The following KDM6B variants were observed in gnomAD, a reference collection of about 807,000 sequenced individuals.
KDM6B encodes the protein lysine demethylase 6B.
KDM6B carries 22 observed loss-of-function variants against 150.4 expected under a neutral mutation model. That is an observed-to-expected ratio of 0.15 (90% CI 0.10 to 0.21). The LOEUF (loss-of-function observed/expected upper bound fraction) is 0.21. Among genes scored for constraint, KDM6B ranks in the 10% least tolerant of loss-of-function variants. The pLI is 1.00. For synonymous variants in KDM6B, 1,148 were observed against 921.1 expected (o/e 1.25, Z -4.46); for missense variants, 1,984 against 2,234.3 (o/e 0.89, Z 2.26).
rs756900668 is a variant in KDM6B at position 7,846,727 on chromosome 17, G to A, written c.698G>A (p.Cys233Tyr). 6.2e-7 allele frequency: 1 copy of A among 1,614,074 alleles called. No homozygotes were observed. The highest frequency in any genetic ancestry group is 8.5e-7 in the Non-Finnish European group (1 of 1,179,964). Residue 233 changes from cysteine to tyrosine, a missense_variant, in exon 9 of 24, where the codon TGC becomes TAC. Around this residue, in one of 13 missense-constraint regions of KDM6B, gnomAD observed 337 missense variants for 323.9 expected, o/e 1.04. Transcript: ENST00000448097. ...CCTGGAGGCAAGCGAAGGAGAGGCT[G>A]CAACTCTGAACAGGTGTGGGTATAG... ...LSPGGKRRRGCNSEQTGLPPG... is the reference protein window; with the variant it reads ...LSPGGKRRRGYNSEQTGLPPG...
At chr17:7,838,150 CCA>C (rs1337478296) in intron 1 of KDM6B, among the ~76,000 whole-genome samples, 1 of 141,754 alleles carries the variant, frequency 7.1e-6, no homozygotes, top group East Asian at 2.2e-4. Flanking sequence ...CAGAGGGACT[CCA>C]CAGTTTCTCT....
At chr17:7,850,976 A>T in intron 14 of KDM6B, 45 bp from the exon 15 acceptor site, 2 of 1,486,602 alleles carry the variant, frequency 1.3e-6, no homozygotes, top group Non-Finnish European at 1.8e-6. Flanking sequence ...CTCGGTCCCT[A>T]TCCTCTGCCT....
rs374426885 is a variant in KDM6B, at chr17:7,846,797, C to T, written c.712-22C>T. 1.1e-5 allele frequency: 17 copies of T among 1,613,598 alleles called. No homozygotes were observed. The African/African-American group carries it at 1.7e-4, about 16-fold the overall frequency. On this transcript the variant is annotated intron_variant, in intron 9 of 23. Transcript: ENST00000448097. The stretch of plus-strand genomic sequence containing the variant: ...GTAGGCAGGACTTGGGAATGGGATT[C>T]TCACACTCTCTTCTCTCCTAGACTG...
chr17:7,850,230 G>A, intron 14 of KDM6B, 53 bp downstream of exon 14: 2 of 1,429,984 alleles, frequency 1.4e-6, no homozygotes, highest in Non-Finnish European at 2.0e-6. Context: ...TCTGGGGCAT[G>A]TAGGACCCTC....
intron 2 of KDM6B, 170 bp downstream of exon 2, chr17:7,840,194 C>G (rs2078393414): frequency 6.6e-6 from 1 of 152,368 alleles, no homozygotes; most frequent in Non-Finnish European, 1.5e-5. Flanking sequence ...GTTTATGGAC[C>G]TCCCTTCTAT....
chr17:7,849,894 A>G lies in KDM6B; in HGVS notation c.3514A>G (p.Thr1172Ala), dbSNP rs935026612. 1 of 1,613,464 alleles carries G rather than the reference A, an allele frequency of 6.2e-7. No homozygotes were observed. The highest frequency in any genetic ancestry group is 8.5e-7 in the Non-Finnish European group (1 of 1,180,000). The change falls in exon 13 of 24, where the codon ACT becomes GCT. Residue 1172 changes from threonine to alanine, a missense_variant. Thr to Ala is a moderately conservative substitution (Grantham distance 58). Around this residue, in one of 13 missense-constraint regions of KDM6B, gnomAD observed 1,379 missense variants for 1,275.6 expected, o/e 1.08. Transcript: ENST00000448097. ...CCAGTCTGTGAAACCGAAGATCAAC[A>G]CTGAGGAGAAGCTGCCCCGGGAAAA... ...PAQSVKPKIN[T>A]EEKLPREKLN...
chr17:7,837,760 C>A (rs1208681806), intron 1 of KDM6B, among the ~76,000 whole-genome samples: 1 of 152,156 alleles, frequency 6.6e-6, no homozygotes, highest in East Asian at 1.9e-4. Flanking sequence ...ACAGAATGAA[C>A]ACAGAATGAG....
intron 20 of KDM6B, 77 bp downstream of exon 20, chr17:7,852,413 C>A: frequency 5.4e-6 from 7 of 1,289,294 alleles, no homozygotes; most frequent in Non-Finnish European, 7.4e-6. Context: ...CTTGGAGAGC[C>A]GCCAGCAGTG....
chr17:7,849,473 C>T lies in KDM6B; in HGVS notation c.3185C>T (p.Pro1062Leu), dbSNP rs762722140. ...TCAGCTCCTGCACCTTCTGCCCAGC[C>T]CACACCCCCGTCAGCCTCTGTCCCT... ...PPSAPAPSAQ[P>L]TPPSASVPGK... The change falls in exon 12 of 24, where the codon CCC becomes CTC. Residue 1062 changes from proline (P) to leucine (L), a missense_variant. This residue lies in a region of KDM6B where 1,379 missense variants were observed against 1,275.6 expected (regional missense o/e 1.08). Coordinates refer to ENST00000448097, the MANE Select transcript of KDM6B (RefSeq NM_001348716.2). 1.9e-6 allele frequency: 3 copies of T among 1,612,778 alleles called. No homozygotes were observed. In the South Asian group the frequency reaches 3.3e-5, roughly 18 times the overall value.
At position 7,848,981 on chromosome 17, in the gene KDM6B, C is replaced by T. The variant is rs766290097; in HGVS notation, c.2693C>T (p.Pro898Leu). 18 of 1,551,398 alleles carry T rather than the reference C, an allele frequency of 1.2e-5. No individual in the cohort carries two copies. The highest frequency in any genetic ancestry group is 7.0e-5 in the Admixed American group (4 of 56,798). The stretch of plus-strand genomic sequence containing the variant: ...CCGGGCCCCATGACCCCCACCCAAC[C>T]GCCCCCACCCCTATCTCTGCCCCCT... Reference protein sequence around the residue: ...PVPGPMTPTQPPPPLSLPPAR... With the variant: ...PVPGPMTPTQLPPPLSLPPAR... Residue 898 changes from proline to leucine, a missense_variant, in exon 12 of 24, where the codon CCG (proline) becomes CTG (leucine). This residue lies in a region of KDM6B where 1,379 missense variants were observed against 1,275.6 expected (regional missense o/e 1.08). Transcript: ENST00000448097.
Position 7,849,296 on chromosome 17 carries a change from C to A in KDM6B, c.3008C>A (p.Ala1003Glu). ...SVGRRPREGRAKAKAKVPKEK... is the reference protein window; with the variant it reads ...SVGRRPREGREKAKAKVPKEK... ...GGTCGTCGGCCCCGTGAGGGCAGGG[C>A]AAAGGCCAAGGCCAAGGTCCCCAAA... is the stretch of plus-strand genomic sequence containing the variant. Residue 1003 changes from alanine to glutamate, a missense_variant, in exon 12 of 24, where the codon GCA (alanine) becomes GAA (glutamate). Ala to Glu is a moderately radical substitution (Grantham distance 107). Transcript: ENST00000448097. 1 of 1,557,022 alleles carries A rather than the reference C, an allele frequency of 6.4e-7. No homozygotes were observed. Among genetic ancestry groups the A allele is most frequent in the South Asian group, 1.2e-5 (1 of 85,406 alleles).
chr17:7,848,198 C>A lies in KDM6B; in HGVS notation c.1910C>A (p.Thr637Asn), dbSNP rs757398830. 4 of 1,611,734 alleles carry A rather than the reference C, an allele frequency of 2.5e-6. No homozygotes were observed. In the South Asian group the frequency reaches 4.4e-5, roughly 18 times the overall value. The change falls in exon 12 of 24, where the codon ACC (threonine) becomes AAC (asparagine). Residue 637 changes from threonine (T) to asparagine (N), a missense_variant. Thr to Asn is a moderately conservative substitution (Grantham distance 65). This residue lies in a region of KDM6B where 1,379 missense variants were observed against 1,275.6 expected (regional missense o/e 1.08). Transcript: ENST00000448097. ...SPRPRVSFPKTPEVGPGPPPG... is the reference protein window; with the variant it reads ...SPRPRVSFPKNPEVGPGPPPG... ...CGGCCCAGGGTCTCCTTCCCAAAGACCCCCGAGGTGGGGCCGGGGCCACCC... is the reference window on the plus strand; with the variant it reads ...CGGCCCAGGGTCTCCTTCCCAAAGAACCCCGAGGTGGGGCCGGGGCCACCC...
In KDM6B at chr17:7,845,642, T is replaced by C; in HGVS notation, c.88T>C (p.Ser30Pro). 1 of 1,614,036 alleles carries C rather than the reference T, an allele frequency of 6.2e-7. No homozygotes were observed. Among genetic ancestry groups the C allele is most frequent in the Non-Finnish European group, 8.5e-7 (1 of 1,180,008 alleles). The change falls in exon 5 of 24, where the codon TCC (serine) becomes CCC (proline). Residue 30 changes from serine to proline, a missense_variant. Transcript: ENST00000448097. ...GGLSCAGAWS[S>P]CPPHPPPRSA... ...CCTGAGCTGTGCTGGGGCCTGGAGC[T>C]CCTGCCCGCCTCATCCCCCTCCTCG...
At chr17:7,851,287 G>A (rs753868904) in intron 15 of KDM6B, 43 bp from the exon 16 acceptor site, 34 of 1,613,534 alleles carry the variant, frequency 2.1e-5, no homozygotes, top group Admixed American at 8.3e-5. Flanking sequence ...GAGGGCTCTC[G>A]AAAGGTCTCT....
chr17:7,835,175 G>A (rs1597812670), intron 1 of KDM6B, among the ~76,000 whole-genome samples: 1 of 152,132 alleles, frequency 6.6e-6, no homozygotes, highest in Non-Finnish European at 1.5e-5. Context: ...AGGTCGCAGC[G>A]CAGAAGACGG....
Position 7,849,076 on chromosome 17 carries a change from C to T in KDM6B, c.2788C>T (p.Arg930Trp), listed in dbSNP as rs201856405. The T allele has an allele frequency of 1.6e-4, 251 of 1,612,362 alleles. No individual in the cohort carries two copies. The highest frequency in any genetic ancestry group is 5.5e-4 in the African/African-American group (41 of 75,046). The change falls in exon 12 of 24, where the codon CGG becomes TGG. Residue 930 changes from arginine to tryptophan, a missense_variant. By Grantham distance (101) the Arg-to-Trp change is moderately radical (BLOSUM62 -3). Transcript: ENST00000448097. ...CGAGACCCTTGTGGAGCGGGTGGGC[C>T]GGAGTGCCACTGACCCAGCCGACCC... ...ACETLVERVG[R>W]SATDPADPVD...
chr17:7,852,849 A>G, intron 21 of KDM6B, 151 bp from the exon 22 acceptor site: 1 of 1,279,162 alleles, frequency 7.8e-7, no homozygotes, highest in Non-Finnish European at 1.1e-6. Flanking sequence ...CGCCTATAAC[A>G]GATGCCCAGG....
At chr17:7,850,866 G>A (rs1413039817) in intron 14 of KDM6B, among the ~76,000 whole-genome samples, 155 bp from the exon 15 acceptor site, 5 of 152,200 alleles carry the variant, frequency 3.3e-5, no homozygotes, top group Non-Finnish European at 5.9e-5. Context: ...CTTCCTGTGG[G>A]GCTAGGGCTC....
Position 7,849,718 on chromosome 17 carries a change from C to G in KDM6B, c.3430C>G (p.Arg1144Gly). 6.2e-7 allele frequency: 1 copy of G among 1,611,752 alleles called. No individual in the cohort carries two copies. The highest frequency in any genetic ancestry group is 8.5e-7 in the Non-Finnish European group (1 of 1,179,974). The change falls in exon 12 of 24, where the codon CGC becomes GGC. Residue 1144 changes from arginine (R) to glycine (G), a missense_variant. Around this residue, in one of 13 missense-constraint regions of KDM6B, gnomAD observed 1,379 missense variants for 1,275.6 expected, o/e 1.08. Coordinates refer to ENST00000448097, the MANE Select transcript of KDM6B (RefSeq NM_001348716.2). ...TISHCAADVV[R>G]ASRNAKVKGK... ...CAGCCACTGTGCTGCTGACGTCGTG[C>G]GCGCCAGCAGGTGAGTCGGCTGCCT...
Sources: gnomAD v4.1 joint callset for allele counts (sites outside exome capture counted in the v4.1 genomes callset) on GRCh38, gnomAD v4.1.1 for gene constraint, gnomAD v4.1.1 regional missense constraint, MANE v1.5 for transcripts, NCBI Gene and HGNC (gene_info 2026-07-23, HGNC 2026-07-21) for gene names.